The following EVI5L variants were observed in gnomAD, a reference collection of about 807,000 sequenced individuals.
EVI5L encodes EVI5-like protein.
Under a neutral mutation model 106.1 loss-of-function variants are expected in EVI5L, and 30 were observed. The ratio of observed to expected loss-of-function variants is 0.28; its 90% confidence interval spans 0.21 to 0.38. EVI5L has a LOEUF of 0.38. Among genes scored for constraint, EVI5L ranks in the 10% least tolerant of loss-of-function variants. The probability of loss-of-function intolerance (pLI) is 1.00; values close to 1 mark genes in which losing one functional copy is unlikely to be tolerated. For synonymous variants in EVI5L, 489 were observed against 483.3 expected, an observed-to-expected ratio of 1.01 and a Z score of -0.15; for missense variants, 809 against 1,098.0, an observed-to-expected ratio of 0.74 and a Z score of 3.72.
chr19:7,863,565 G>A lies in EVI5L; in HGVS notation c.2281G>A (p.Asp761Asn), dbSNP rs1303612726. 6.3e-7 allele frequency: 1 copy of A among 1,599,318 alleles called. No individual in the cohort carries two copies. The highest frequency in any genetic ancestry group is 1.7e-5 in the Admixed American group (1 of 58,644). The stretch of plus-strand genomic sequence containing the variant: ...CGTAGGCGTGGGCGCTGCCCTGCAG[G>A]ACGCATTGTACCCTCTGTCCCCGCG... ...LGVGVGAALQ[D>N]ALYPLSPRDA... Residue 761 changes from aspartate to asparagine, a missense_variant, in exon 20 of 20, where the codon GAC (aspartate) becomes AAC (asparagine). Physicochemically the swap from Asp to Asn is conservative, Grantham distance 23 (BLOSUM62 1). This residue lies in a region of EVI5L where 452 missense variants were observed against 509.9 expected (regional missense o/e 0.89). Coordinates refer to ENST00000538904, the MANE Select transcript of EVI5L (RefSeq NM_001159944.3). This position sits in a 1 kb window ranked among gnomAD's most constrained non-coding sequence, Gnocchi z 7.7.
At chr19:7,843,394 T>TGTGTGTGTAC (rs74992716) in intron 1 of EVI5L, among the ~76,000 whole-genome samples, 1 of 117,600 alleles carries the variant, frequency 8.5e-6, no homozygotes, top group Non-Finnish European at 1.8e-5. Context: ...AGTGTGTGCA[T>TGTGTGTGTAC]AGGTGTGTGA....
intron 1 of EVI5L, among the ~76,000 whole-genome samples, chr19:7,844,578 C>A (rs1039187344): frequency 1.3e-5 from 2 of 152,198 alleles, no homozygotes; most frequent in Non-Finnish European, 2.9e-5. Context: ...TTGTCCACAG[C>A]CCCCGTCTCT....
rs1353231992 is a variant in EVI5L at position 7,850,035 on chromosome 19, G to A, written c.666G>A (p.Leu222=). The A allele has an allele frequency of 6.2e-7, 1 of 1,603,944 alleles. No individual in the cohort carries two copies. ...EEEAFCVFVR[L]MQEYRLRELF... is the part of the protein sequence containing the mutation. ...AGGCCTTCTGTGTGTTCGTGCGGCT[G>A]ATGCAGGAGTACCGGCTGCGGGAGC... Residue 222 remains leucine, a synonymous_variant, in exon 6 of 20, where the codon CTG becomes CTA. Coordinates refer to ENST00000538904, the MANE Select transcript of EVI5L (RefSeq NM_001159944.3). The surrounding 1 kb of genome is among the most constrained non-coding windows in gnomAD (Gnocchi z 5.4).
rs1425601926 is a variant in EVI5L at position 7,858,347 on chromosome 19, C to CG, written c.1374+20dup. On this transcript the variant is annotated intron_variant, in intron 13 of 19. Transcript: ENST00000538904. The surrounding 1 kb of genome is among the most constrained non-coding windows in gnomAD (Gnocchi z 5.7). ...GGAGCAGCAGGTAGGGGCGGGTGTGCGGGGCTGCTGGGCGGGGCCATGACC... is the reference window on the plus strand; with the variant it reads ...GGAGCAGCAGGTAGGGGCGGGTGTGCGGGGGCTGCTGGGCGGGGCCATGACC... The CG allele has an allele frequency of 2.6e-6, 4 of 1,538,992 alleles. No individual in the cohort carries two copies. The East Asian group carries it at 7.3e-5, about 28-fold the overall frequency.
chr19:7,846,470 C>G, intron 1 of EVI5L, 26 bp from the exon 2 acceptor site: 2 of 1,522,102 alleles, frequency 1.3e-6, no homozygotes, highest in Admixed American at 2.1e-5. Flanking sequence ...CACCCAATGC[C>G]GACCACGCAT....
chr19:7,832,140 C>T (rs943544208), intron 1 of EVI5L, among the ~76,000 whole-genome samples: 1 of 152,218 alleles, frequency 6.6e-6, no homozygotes, highest in Non-Finnish European at 1.5e-5. Flanking sequence ...ACTCCCAGCT[C>T]TGGCCTCAGG....
Position 7,846,589 on chromosome 19 carries a change from T to G in EVI5L, c.47T>G (p.Leu16Arg), listed in dbSNP as rs758645490. The change falls in exon 2 of 20, where the codon CTG becomes CGG. Residue 16 changes from leucine (L) to arginine (R), a missense_variant. By Grantham distance (102) the Leu-to-Arg change is moderately radical. Transcript: ENST00000538904. ...CCCGACTCCTCATCCCAGGAGGCCC[T>G]GTCGGCCCCCACCTGCTCCCCAACC... ...LSPDSSSQEA[L>R]SAPTCSPTSD... is the part of the protein sequence containing the mutation. 1 of 1,613,748 alleles carries G rather than the reference T, an allele frequency of 6.2e-7. No homozygotes were observed. Among genetic ancestry groups the G allele is most frequent in the South Asian group, 1.1e-5 (1 of 91,042 alleles).
At chr19:7,851,657 C>T in intron 7 of EVI5L, 24 bp from the exon 8 acceptor site, 1 of 1,587,682 alleles carries the variant, frequency 6.3e-7, no homozygotes, top group Admixed American at 1.9e-5. Flanking sequence ...CCTCCACCTC[C>T]CACTGCCTTT....
In EVI5L at chr19:7,858,736, TG is replaced by T. The variant is rs1979657541; in HGVS notation, c.1374+408del. 9.8e-6 allele frequency: 2 copies of T among 204,330 alleles called. No homozygotes were observed. The highest frequency in any genetic ancestry group is 4.7e-5 in the African/African-American group (2 of 42,588). 12.7% of individuals were successfully genotyped at this position (204,330 alleles called of 1,614,324 possible). A position where few individuals can be genotyped will look rare whatever the true frequency, so the allele number is the denominator to read the frequency against. On this transcript the variant is annotated intron_variant, in intron 13 of 19. Coordinates refer to ENST00000538904, the MANE Select transcript of EVI5L (RefSeq NM_001159944.3). This position sits in a 1 kb window ranked among gnomAD's most constrained non-coding sequence, Gnocchi z 5.7. ...TCCCTGGGGGGCCAGCCATGGAGAA[TG>T]GGAGCAGGGCAGTCCGGGACTGTTT...
chr19:7,838,598 C>T (rs604938), intron 1 of EVI5L, among the ~76,000 whole-genome samples: 87,016 of 152,042 alleles, frequency 0.57, 25,113 homozygotes, highest in South Asian at 0.77. Context: ...AAACGTTTGT[C>T]GAGCATGTAC....
At chr19:7,830,919 C>T (rs1474218094) in intron 1 of EVI5L, among the ~76,000 whole-genome samples, 1 of 149,102 alleles carries the variant, frequency 6.7e-6, no homozygotes, top group Non-Finnish European at 1.5e-5. Context: ...CAGGGCCTAC[C>T]CGCCCCCCAT....
At position 7,857,066 on chromosome 19, in the gene EVI5L, C is replaced by A; in HGVS notation, c.1201-26C>A. 1 of 1,551,886 alleles carries A rather than the reference C, an allele frequency of 6.4e-7. No homozygotes were observed. The highest frequency in any genetic ancestry group is 8.7e-7 in the Non-Finnish European group (1 of 1,147,022). On this transcript the variant is annotated intron_variant, in intron 11 of 19. Coordinates refer to ENST00000538904, the MANE Select transcript of EVI5L (RefSeq NM_001159944.3). The surrounding 1 kb of genome is among the most constrained non-coding windows in gnomAD (Gnocchi z 4.5). The stretch of plus-strand genomic sequence containing the variant: ...CTTCCGCTCTGCCTCCTCCCCCTGT[C>A]GCTGGGAACCCCCTTCGCCGGGTAG...
chr19:7,858,711 T>C lies in EVI5L; in HGVS notation c.1374+380T>C, dbSNP rs1719480274. On this transcript the variant is annotated intron_variant, in intron 13 of 19. Transcript: ENST00000538904. This position sits in a 1 kb window ranked among gnomAD's most constrained non-coding sequence, Gnocchi z 5.7. ...CCAGGGTCTGAAGGATTGTTAGGTG[T>C]CCCTGGGGGGCCAGCCATGGAGAAT... 4.5e-6 allele frequency: 1 copy of C among 222,808 alleles called. No homozygotes were observed. The highest frequency in any genetic ancestry group is 1.2e-4 in the East Asian group (1 of 8,022). The allele number at this position is 222,808 out of a possible 1,614,324, so 13.8% of individuals were successfully genotyped here.
chr19:7,853,681 G>A, intron 10 of EVI5L: 1 of 340,526 alleles, frequency 2.9e-6, no homozygotes, highest in Non-Finnish European at 5.6e-6. Context: ...TTGGGCAGAG[G>A]CTCCGGGCCC....
At chr19:7,847,219 G>C (rs572680822) in intron 2 of EVI5L, among the ~76,000 whole-genome samples, 2 of 152,106 alleles carry the variant, frequency 1.3e-5, no homozygotes, top group Admixed American at 6.5e-5. Context: ...TTGAACCCGG[G>C]AGGCGGACGC....
intron 1 of EVI5L, among the ~76,000 whole-genome samples, chr19:7,843,735 TGA>T (rs747203531): frequency 2.6e-5 from 4 of 151,898 alleles, no homozygotes; most frequent in Non-Finnish European, 4.4e-5. Context: ...TGTGTATGTG[TGA>T]GAGTTTGTAT....
At chr19:7,836,700 G>A (rs762404792) in intron 1 of EVI5L, among the ~76,000 whole-genome samples, 6 of 151,522 alleles carry the variant, frequency 4.0e-5, no homozygotes, top group South Asian at 2.1e-4. Flanking sequence ...GTGCAGTGGC[G>A]TAATTTCAGC....
At chr19:7,854,574 A>G (rs899923927) in intron 10 of EVI5L, among the ~76,000 whole-genome samples, 2 of 152,340 alleles carry the variant, frequency 1.3e-5, no homozygotes, top group Admixed American at 6.5e-5. Context: ...GTTGGAGACC[A>G]GTCTGGGCAA....
At position 7,856,246 on chromosome 19, in the gene EVI5L, G is replaced by A. The variant is rs1178459310; in HGVS notation, c.1200+178G>A. On this transcript the variant is annotated intron_variant, in intron 11 of 19. Coordinates refer to ENST00000538904, the MANE Select transcript of EVI5L (RefSeq NM_001159944.3). The surrounding 1 kb of genome is among the most constrained non-coding windows in gnomAD (Gnocchi z 6.6). ...CCCGATTTGGAGTGCCCTGCAACTG[G>A]GGGCGACTCGTATGGTGATTAATCC... is the stretch of plus-strand genomic sequence containing the variant. Among the ~76,000 whole-genome samples, 1 of 152,136 alleles carries A rather than the reference G, an allele frequency of 6.6e-6. No individual in the cohort carries two copies. The highest frequency in any genetic ancestry group is 2.4e-5 in the African/African-American group (1 of 41,430).
Sources: allele counts gnomAD v4.1 joint callset (sites outside exome capture counted in the v4.1 genomes callset), GRCh38; gene constraint gnomAD v4.1.1; regional missense constraint gnomAD v4.1.1; non-coding constraint Gnocchi (gnomAD v3.1); transcripts MANE v1.5; gene names NCBI Gene and HGNC (gene_info 2026-07-23, HGNC 2026-07-21).